TNFRSF8: variants seen among roughly 807,000 people sequenced by gnomAD.
TNFRSF8 encodes the protein tumor necrosis factor receptor superfamily member 8.
Under a neutral mutation model 70.8 loss-of-function variants are expected in TNFRSF8, and 26 were observed. The observed-to-expected ratio is 0.37, with a 90% CI of 0.27 to 0.51. TNFRSF8 has a LOEUF of 0.51. Ranked by LOEUF, TNFRSF8 falls within the 20% of genes least tolerant of loss-of-function variation. The pLI is 0.94. For synonymous variants in TNFRSF8, 356 were observed against 339.2 expected (o/e 1.05, Z -0.54); for missense variants, 720 against 807.9 (o/e 0.89, Z 1.32).
At chr1:12,118,516 A>G (rs1014224269) in intron 8 of TNFRSF8, among the ~76,000 whole-genome samples, 7 of 152,252 alleles carry the variant, frequency 4.6e-5, no homozygotes, top group African/African-American at 1.7e-4. Context: ...CTTACCACAC[A>G]TGAAGCTTTG....
intron 7 of TNFRSF8, among the ~76,000 whole-genome samples, chr1:12,115,293 G>A (rs1235288150): frequency 6.6e-6 from 1 of 152,130 alleles, no homozygotes; most frequent in Non-Finnish European, 1.5e-5. Flanking sequence ...AAGTTACCTC[G>A]GGTTGCTTGT....
In TNFRSF8 at chr1:12,110,820, A is replaced by G. The variant is rs1641616203; in HGVS notation, c.676+616A>G. Among the ~76,000 whole-genome samples the G allele has an allele frequency of 6.6e-6, 1 of 151,420 alleles. No individual in the cohort carries two copies. Among genetic ancestry groups the G allele is most frequent in the African/African-American group, 2.4e-5 (1 of 41,106 alleles). ...ACCATGTTGGTCAGGCTGGTCTCGAACTCCCGACCTCAGGTGATCCGCCCA... is the reference window on the plus strand; with the variant it reads ...ACCATGTTGGTCAGGCTGGTCTCGAGCTCCCGACCTCAGGTGATCCGCCCA... On this transcript the variant is annotated intron_variant, in intron 6 of 14. Transcript: ENST00000263932. The surrounding 1 kb of genome is among the most constrained non-coding windows in gnomAD (Gnocchi z 4.0).
intron 4 of TNFRSF8, among the ~76,000 whole-genome samples, chr1:12,105,441 A>G (rs1318808721): frequency 6.6e-6 from 1 of 151,182 alleles, no homozygotes; most frequent in Admixed American, 6.6e-5. Context: ...TATCTTCCCC[A>G]CCTTCTCACC....
At chr1:12,104,033 C>T (rs6541014) in intron 3 of TNFRSF8, among the ~76,000 whole-genome samples, 39,012 of 152,106 alleles carry the variant, frequency 0.26, 6,110 homozygotes, top group Non-Finnish European at 0.35. Context: ...TCTCCCTCCC[C>T]CTGAACCTCT....
intron 14 of TNFRSF8, among the ~76,000 whole-genome samples, chr1:12,140,591 T>G (rs758170811): frequency 9.9e-5 from 15 of 152,126 alleles, no homozygotes; most frequent in African/African-American, 9.7e-5. Context: ...GGCAGACCCC[T>G]CATGGCCGGC....
At chr1:12,095,445 ACC>A (rs1268614308) in intron 2 of TNFRSF8, among the ~76,000 whole-genome samples, 2 of 151,764 alleles carry the variant, frequency 1.3e-5, no homozygotes, top group Non-Finnish European at 2.9e-5. Flanking sequence ...CTGCCACGAC[ACC>A]CAGCTAATTT....
chr1:12,123,680 T>C, intron 9 of TNFRSF8, 35 bp from the exon 10 acceptor site: 1 of 1,517,890 alleles, frequency 6.6e-7, no homozygotes, highest in African/African-American at 1.4e-5. Flanking sequence ...CCTCTTCCCA[T>C]CTTCATCACT....
chr1:12,076,440 G>A lies in TNFRSF8; in HGVS notation c.64-8024G>A, dbSNP rs570737761. Among the ~76,000 whole-genome samples, 6 of 152,200 alleles carry A rather than the reference G, an allele frequency of 3.9e-5. No individual in the cohort carries two copies. The South Asian group carries it at 8.3e-4, about 21-fold the overall frequency. ...AAAATAAACCTGTCTTTGGTAAGCC[G>A]CTTTTCATATTTTTTTCTTCTTTCT... On this transcript the variant is annotated intron_variant, in intron 1 of 14. Transcript: ENST00000263932.
chr1:12,106,138 A>G (rs1641520183), intron 4 of TNFRSF8, among the ~76,000 whole-genome samples: 3 of 152,090 alleles, frequency 2.0e-5, no homozygotes, highest in Admixed American at 2.0e-4. Context: ...TCCCAGAATC[A>G]GAGTCTCAGG....
At chr1:12,131,436 C>T (rs554284814) in intron 12 of TNFRSF8, among the ~76,000 whole-genome samples, 58 of 152,278 alleles carry the variant, frequency 3.8e-4, no homozygotes, top group Middle Eastern at 3.4e-3. Context: ...AGCAACAGAG[C>T]GAGCCTCCGT....
At chr1:12,095,022 A>G (rs1162598264) in intron 2 of TNFRSF8, among the ~76,000 whole-genome samples, 3 of 152,176 alleles carry the variant, frequency 2.0e-5, no homozygotes, top group Admixed American at 1.3e-4. Flanking sequence ...CACAGGGTTC[A>G]TGAACCTGAA....
At position 12,138,462 on chromosome 1, in the gene TNFRSF8, C is replaced by T. The variant is rs373248894; in HGVS notation, c.1543+26C>T. 73 of 1,593,684 alleles carry T rather than the reference C, an allele frequency of 4.6e-5. No individual in the cohort carries two copies. In the African/African-American group the frequency reaches 4.7e-4, roughly 10 times the overall value. Reference sequence around the variant, plus strand: ...GTGAGTCAGCCTGTTTTGGGAGGTCCCCTGCAGCCCAGGGGCAGATGGGAG... The same window carrying T: ...GTGAGTCAGCCTGTTTTGGGAGGTCTCCTGCAGCCCAGGGGCAGATGGGAG... On this transcript the variant is annotated intron_variant, in intron 14 of 14. Coordinates refer to ENST00000263932, the MANE Select transcript of TNFRSF8 (RefSeq NM_001243.5). The surrounding 1 kb of genome is among the most constrained non-coding windows in gnomAD (Gnocchi z 5.7).
intron 12 of TNFRSF8, among the ~76,000 whole-genome samples, chr1:12,130,839 GC>G (rs1364069194): frequency 2.6e-5 from 4 of 152,236 alleles, no homozygotes; most frequent in Non-Finnish European, 5.9e-5. Flanking sequence ...AATAAGACTA[GC>G]AGATAGAATC....
At chr1:12,082,417 A>C (rs1036303455) in intron 1 of TNFRSF8, among the ~76,000 whole-genome samples, 19 of 151,990 alleles carry the variant, frequency 1.3e-4, no homozygotes, top group African/African-American at 4.6e-4. Flanking sequence ...GTGGGGGTGC[A>C]TGCCTGTGGC....
intron 8 of TNFRSF8, among the ~76,000 whole-genome samples, chr1:12,117,514 A>G (rs1641754792): frequency 6.6e-6 from 1 of 152,152 alleles, no homozygotes; most frequent in African/African-American, 2.4e-5. Flanking sequence ...TCAACAGGCT[A>G]GCCACACCCC....
chr1:12,115,706 CAG>C lies in TNFRSF8; in HGVS notation c.927_928del (p.Glu309AspfsTer10). Reference sequence around the variant, plus strand: ...TGTGTCCCCTACCCAATCTGTGCAGCAGAGACGGTCACCAAGCCCCAGGGTAA... The same window carrying C: ...TGTGTCCCCTACCCAATCTGTGCAGCAGACGGTCACCAAGCCCCAGGGTAA... On this transcript the variant is annotated frameshift_variant, in exon 8 of 15. Transcript: ENST00000263932. LOFTEE classifies it high-confidence loss of function. 6.2e-7 allele frequency: 1 copy of C among 1,614,180 alleles called. No individual in the cohort carries two copies. Among genetic ancestry groups the C allele is most frequent in the Non-Finnish European group, 8.5e-7 (1 of 1,180,014 alleles).
rs1641663642 is a variant in TNFRSF8, at chr1:12,113,269, T to C, written c.793+1255T>C. 6.6e-6 allele frequency among the ~76,000 whole-genome samples: 1 copy of C among 152,218 alleles called. No individual in the cohort carries two copies. The highest frequency in any genetic ancestry group is 2.1e-4 in the South Asian group (1 of 4,834). On this transcript the variant is annotated intron_variant, in intron 7 of 14. Transcript: ENST00000263932. This position sits in a 1 kb window ranked among gnomAD's most constrained non-coding sequence, Gnocchi z 4.9. ...GTTCCCTTCCATGTCGGCCTCTTCG[T>C]GTCTTACCTGGGGCTTCCTCATGGT...
At chr1:12,083,371 C>T (rs1316328359) in intron 1 of TNFRSF8, among the ~76,000 whole-genome samples, 1 of 152,282 alleles carries the variant, frequency 6.6e-6, no homozygotes, top group Non-Finnish European at 1.5e-5. Context: ...GCAGCACTAT[C>T]ATAATAACCA....
At chr1:12,073,579 C>CCTTTTT (rs1640885778) in intron 1 of TNFRSF8, among the ~76,000 whole-genome samples, 1 of 149,998 alleles carries the variant, frequency 6.7e-6, no homozygotes, top group Non-Finnish European at 1.5e-5. Flanking sequence ...TTTCCCTTTC[C>CCTTTTT]CTTTTTCTTT....
Sources: gnomAD v4.1 joint callset for allele counts (sites outside exome capture counted in the v4.1 genomes callset) on GRCh38, gnomAD v4.1.1 for gene constraint, Gnocchi (gnomAD v3.1) non-coding constraint, MANE v1.5 for transcripts, NCBI Gene and HGNC (gene_info 2026-07-23, HGNC 2026-07-21) for gene names.